Variants in RBM4 observed in about 807,000 individuals in gnomAD.
RBM4 encodes RNA-binding protein 4.
RBM4 carries 7 observed loss-of-function variants against 29.5 expected under a neutral mutation model. That is an observed-to-expected ratio of 0.24 (90% confidence interval 0.14 to 0.45). The LOEUF (loss-of-function observed/expected upper bound fraction) is 0.45, where lower values mean the gene tolerates loss of function less well. RBM4 is among the 20% of genes least tolerant of loss of function. The pLI is 1.00. For synonymous variants in RBM4, 220 were observed against 205.4 expected (o/e 1.07, Z -0.61); for missense variants, 387 against 502.3 (o/e 0.77, Z 2.19).
At chr11:66,654,453 G>C (rs1938900633) in intron 2 of RBM4, among the ~76,000 whole-genome samples, 1 of 152,026 alleles carries the variant, frequency 6.6e-6, no homozygotes, top group South Asian at 2.1e-4. Context: ...TCGAGATAGT[G>C]CCACTGCAGT....
chr11:66,651,994 C>G (rs2135080324), intron 2 of RBM4, among the ~76,000 whole-genome samples: 1 of 152,224 alleles, frequency 6.6e-6, no homozygotes, highest in Admixed American at 6.5e-5. Context: ...TAGCAAGATT[C>G]AACTGTGTGT....
At chr11:66,668,328 T>G in exon 3 of RBM4, 1 of 328,132 alleles carries the variant, frequency 3.0e-6, no homozygotes, top group Non-Finnish European at 5.6e-6. Context: ...TCAAATGTTT[T>G]TCTGTAACCC....
rs369984629 is a variant in RBM4, at chr11:66,643,051, T to G, written c.413-399T>G. 3.0e-4 allele frequency among the ~76,000 whole-genome samples: 45 copies of G among 152,318 alleles called. 1 individual carries two copies. The highest frequency in any genetic ancestry group is 1.1e-3 in the African/African-American group (44 of 41,574). On this transcript the variant is annotated intron_variant, in intron 2 of 3. Transcript: ENST00000310092. This position sits in a 1 kb window ranked among gnomAD's most constrained non-coding sequence, Gnocchi z 6.1. ...AGAACTGGCCTTTACTTATATTCCT[T>G]TGCTTAATGAAAATCCATCTTGCTA...
rs766240468 is a variant in RBM4 at position 66,644,155 on chromosome 11, G to C, written c.*8+15G>C. ...TAAAGCTTGAGGTGAGAGGGGTGGGGTGTTCCCTCTTCTGGTTTTGCCATC... is the reference window on the plus strand; with the variant it reads ...TAAAGCTTGAGGTGAGAGGGGTGGGCTGTTCCCTCTTCTGGTTTTGCCATC... On this transcript the variant is annotated intron_variant, in intron 3 of 3. Transcript: ENST00000310092. 2 of 1,595,274 alleles carry C rather than the reference G, an allele frequency of 1.3e-6. No homozygotes were observed. The highest frequency in any genetic ancestry group is 1.7e-6 in the Non-Finnish European group (2 of 1,170,108).
intron 2 of RBM4, among the ~76,000 whole-genome samples, chr11:66,664,606 G>A (rs570974114): frequency 3.3e-5 from 5 of 151,794 alleles, no homozygotes; most frequent in South Asian, 2.1e-4. Flanking sequence ...GATTACAGGC[G>A]CCTGCCACCA....
At chr11:66,639,665 G>C (rs1403021788) in intron 1 of RBM4, 35 bp from the exon 2 acceptor site, 34 of 1,600,216 alleles carry the variant, frequency 2.1e-5, no homozygotes, top group Non-Finnish European at 2.9e-5. Context: ...GTGGGCCTGA[G>C]GTCTTTTGTC....
chr11:66,650,425 G>T (rs1374496319), downstream of RBM4, among the ~76,000 whole-genome samples: 1 of 152,086 alleles, frequency 6.6e-6, no homozygotes, highest in Non-Finnish European at 1.5e-5. Flanking sequence ...CAAAAAATTA[G>T]CCGGGCATGG....
At chr11:66,647,424 A>G (rs1334759136), downstream of RBM4, among the ~76,000 whole-genome samples, 1 of 152,200 alleles carries the variant, frequency 6.6e-6, no homozygotes, top group Non-Finnish European at 1.5e-5. Flanking sequence ...ACAACATGTA[A>G]TTTATTGAAT....
intron 2 of RBM4, chr11:66,640,534 G>A (rs1938400848): frequency 2.8e-6 from 1 of 351,884 alleles, no homozygotes; most frequent in African/African-American, 2.1e-5. Context: ...TCAAAAACAT[G>A]TCAAGCGACA....
chr11:66,664,647 A>T (rs184812390), intron 2 of RBM4, among the ~76,000 whole-genome samples: 210 of 151,588 alleles, frequency 1.4e-3, no homozygotes, highest in African/African-American at 3.9e-3. Flanking sequence ...TTTAGTAGAG[A>T]TGGGGTTTCA....
chr11:66,646,293 CTG>C lies in RBM4; in HGVS notation c.*278_*279del, dbSNP rs1246773418. On this transcript the variant is annotated 3_prime_UTR_variant, in exon 4 of 4. Coordinates refer to ENST00000310092, the MANE Select transcript of RBM4 (RefSeq NM_002896.4). ...CAGCAGGCCTCATTGTGTGCAGAAA[CTG>C]TGGTGGGGGCTGTGCTGTCTCCTCC... 1.0e-5 allele frequency: 14 copies of C among 1,373,920 alleles called. No individual in the cohort carries two copies. The highest frequency in any genetic ancestry group is 2.7e-4 in the Middle Eastern group (1 of 3,644). 85.1% of individuals were successfully genotyped at this position (1,373,920 alleles called of 1,614,324 possible).
At chr11:66,662,396 TTTTA>T (rs146773793) in intron 2 of RBM4, among the ~76,000 whole-genome samples, 7 of 151,914 alleles carry the variant, frequency 4.6e-5, no homozygotes, top group Non-Finnish European at 7.4e-5. Context: ...ATCAAGATAC[TTTTA>T]TTTATTTATT....
At chr11:66,665,919 A>G in exon 3 of RBM4, 1 of 1,535,560 alleles carries the variant, frequency 6.5e-7, no homozygotes, top group African/African-American at 1.4e-5. Flanking sequence ...TACATTTTCA[A>G]GAACTGCAAT....
At chr11:66,661,516 T>C (rs915983858) in intron 2 of RBM4, among the ~76,000 whole-genome samples, 3 of 151,886 alleles carry the variant, frequency 2.0e-5, no homozygotes, top group Admixed American at 1.3e-4. Context: ...AGGAAGGGGG[T>C]AGATCTGAGG....
At chr11:66,665,370 A>AT (rs1431540016) in intron 2 of RBM4, 2 of 599,756 alleles carry the variant, frequency 3.3e-6, no homozygotes, top group Non-Finnish European at 5.9e-6. Flanking sequence ...GGCTGAGAAT[A>AT]TAAGGAACAG....
chr11:66,665,611 A>G (rs1394781097), intron 2 of RBM4: 6 of 1,535,826 alleles, frequency 3.9e-6, no homozygotes, highest in Admixed American at 2.0e-5. Flanking sequence ...AGGCTTACAC[A>G]ATGCCTGGAG....
chr11:66,660,317 T>C (rs1002996242), intron 2 of RBM4, among the ~76,000 whole-genome samples: 4 of 150,438 alleles, frequency 2.7e-5, no homozygotes, highest in South Asian at 4.2e-4. Context: ...GTGGTACTTA[T>C]CACAATTTCT....
downstream of RBM4, among the ~76,000 whole-genome samples, chr11:66,648,564 C>T (rs1257706680): frequency 6.6e-6 from 1 of 152,038 alleles, no homozygotes; most frequent in East Asian, 1.9e-4. Context: ...CCTGTAATCC[C>T]AGCACTTTGG....
chr11:66,641,702 A>C (rs752201069), intron 2 of RBM4, among the ~76,000 whole-genome samples: 8 of 152,072 alleles, frequency 5.3e-5, no homozygotes, highest in Non-Finnish European at 1.0e-4. Flanking sequence ...ACCTATGCTT[A>C]GTTATTTTTA....
Sources: allele counts gnomAD v4.1 joint callset (sites outside exome capture counted in the v4.1 genomes callset), GRCh38; gene constraint gnomAD v4.1.1; non-coding constraint Gnocchi (gnomAD v3.1); transcripts MANE v1.5; gene names NCBI Gene and HGNC (gene_info 2026-07-23, HGNC 2026-07-21).